Variants in SCOC observed in about 807,000 individuals in gnomAD.
SCOC encodes short coiled-coil protein.
In SCOC, 7 loss-of-function variants were observed where a neutral mutation model predicts 9.9. That is an observed-to-expected ratio of 0.71 (90% confidence interval 0.40 to 1.33). SCOC has a LOEUF of 1.33. Among genes scored for constraint, SCOC ranks in the 40% most tolerant of loss-of-function variants. The pLI is 0.01. For synonymous variants in SCOC, 19 were observed against 28.2 expected, an observed-to-expected ratio of 0.67 and a Z score of 1.03; for missense variants, 66 against 89.7, an observed-to-expected ratio of 0.74 and a Z score of 1.07.
chr4:140,309,638 C>T (rs1404721810), intron 1 of SCOC, among the ~76,000 whole-genome samples: 1 of 152,180 alleles, frequency 6.6e-6, no homozygotes, highest in Admixed American at 6.5e-5. Context: ...GGCTTCTTTG[C>T]CATTCCTTAA....
intron 1 of SCOC, among the ~76,000 whole-genome samples, chr4:140,319,789 T>A (rs780960311): frequency 6.6e-5 from 10 of 151,564 alleles, no homozygotes; most frequent in Non-Finnish European, 1.0e-4. Context: ...AATTAACAAC[T>A]TTTTTGAACC....
At chr4:140,277,845 T>C (rs749069333) in intron 1 of SCOC, among the ~76,000 whole-genome samples, 7 of 152,186 alleles carry the variant, frequency 4.6e-5, no homozygotes, top group Non-Finnish European at 8.8e-5. Context: ...ATGTAACTTA[T>C]AGGATTAGAG....
At chr4:140,262,962 C>G (rs1027560249) in intron 1 of SCOC, among the ~76,000 whole-genome samples, 1 of 152,064 alleles carries the variant, frequency 6.6e-6, no homozygotes, top group Admixed American at 6.6e-5. Flanking sequence ...TCCTGCCAGG[C>G]CCCCCCTCCA....
chr4:140,379,231 TG>T, intron 2 of SCOC, 39 bp downstream of exon 2: 4 of 1,345,136 alleles, frequency 3.0e-6, no homozygotes, highest in Middle Eastern at 1.8e-4. Flanking sequence ...CTCCTGGTTT[TG>T]TGGATGCTTT....
intron 1 of SCOC, among the ~76,000 whole-genome samples, chr4:140,334,424 T>C (rs895544566): frequency 3.3e-5 from 5 of 152,208 alleles, no homozygotes; most frequent in Admixed American, 6.5e-5. Flanking sequence ...TATTAAAGTA[T>C]ATTTACTGAA....
At chr4:140,258,089 AC>A (rs1730550303) in intron 1 of SCOC, among the ~76,000 whole-genome samples, 1 of 152,176 alleles carries the variant, frequency 6.6e-6, no homozygotes, top group Admixed American at 6.5e-5. Flanking sequence ...CCACACCTGC[AC>A]AGCATAGTGG....
intron 2 of SCOC, among the ~76,000 whole-genome samples, chr4:140,357,281 C>A (rs1263415057): frequency 6.6e-6 from 1 of 152,078 alleles, no homozygotes; most frequent in Non-Finnish European, 1.5e-5. Flanking sequence ...GCCTTAAAAT[C>A]TTTTATATAT....
rs1316298568 is a variant in SCOC, at chr4:140,381,245, CAAT to C, written c.*144_*146del. 9 of 743,326 alleles carry C rather than the reference CAAT, an allele frequency of 1.2e-5. No individual in the cohort carries two copies. In the African/African-American group the frequency reaches 1.7e-4, roughly 14 times the overall value. 46.0% of individuals were successfully genotyped at this position (743,326 alleles called of 1,614,324 possible). On this transcript the variant is annotated 3_prime_UTR_variant, in exon 4 of 4. Transcript: ENST00000608372. ...ATGTCAGATGTAGACAAAAATAACA[CAAT>C]AACAGGAGACTTCCATAAGTTTGTG...
intron 1 of SCOC, among the ~76,000 whole-genome samples, chr4:140,324,830 A>T (rs1204228509): frequency 6.6e-6 from 1 of 152,110 alleles, no homozygotes; most frequent in Non-Finnish European, 1.5e-5. Context: ...TGACAAGCTA[A>T]TTTTTAAACT....
At chr4:140,370,784 T>G (rs913635415), upstream of SCOC, among the ~76,000 whole-genome samples, 12 of 152,226 alleles carry the variant, frequency 7.9e-5, no homozygotes, top group Non-Finnish European at 1.8e-4. Context: ...GGTAAACATT[T>G]TTTAAAAACC....
intron 2 of SCOC, among the ~76,000 whole-genome samples, chr4:140,368,575 A>T (rs1208828311): frequency 6.6e-6 from 1 of 152,236 alleles, no homozygotes; most frequent in Admixed American, 6.5e-5. Flanking sequence ...CATACCTGGA[A>T]GAAAAGAACA....
At chr4:140,380,200 T>C (rs1821089) in intron 3 of SCOC, among the ~76,000 whole-genome samples, 9,933 of 139,410 alleles carry the variant, frequency 0.071, 307 homozygotes, top group Middle Eastern at 0.15. Flanking sequence ...TTTTCTTTTT[T>C]TTTTTTTTTT....
chr4:140,376,063 C>T (rs1728331548), intron 1 of SCOC, among the ~76,000 whole-genome samples: 1 of 152,066 alleles, frequency 6.6e-6, no homozygotes, highest in African/African-American at 2.4e-5. Flanking sequence ...GTTATAGCAA[C>T]TATAGGTAAA....
At chr4:140,320,587 GT>G (rs1732472769) in intron 1 of SCOC, among the ~76,000 whole-genome samples, 1 of 152,092 alleles carries the variant, frequency 6.6e-6, no homozygotes, top group South Asian at 2.1e-4. Flanking sequence ...CTGTCTTACA[GT>G]TTTTCCCTCC....
intron 1 of SCOC, among the ~76,000 whole-genome samples, chr4:140,378,626 TTGAG>T (rs72456761): frequency 0.013 from 1,963 of 152,236 alleles, 40 homozygotes; most frequent in African/African-American, 0.043. Context: ...TTACCAGACT[TTGAG>T]TGGGCAGTTA....
chr4:140,374,140 G>C (rs1728216871), intron 1 of SCOC: 1 of 463,576 alleles, frequency 2.2e-6, no homozygotes. Flanking sequence ...GAGATGGGAG[G>C]GGAGGCTGAG....
At chr4:140,294,261 A>C (rs1246322790) in intron 1 of SCOC, among the ~76,000 whole-genome samples, 2 of 152,222 alleles carry the variant, frequency 1.3e-5, no homozygotes, top group Admixed American at 1.3e-4. Flanking sequence ...TGGAAGCAGA[A>C]TAAGGTAGTG....
intron 1 of SCOC, among the ~76,000 whole-genome samples, chr4:140,287,613 T>C (rs775986764): frequency 1.3e-5 from 2 of 150,840 alleles, no homozygotes; most frequent in Non-Finnish European, 3.0e-5. Context: ...GTACACACAC[T>C]ACACACATGC....
intron 2 of SCOC, among the ~76,000 whole-genome samples, chr4:140,353,870 C>T (rs544079267): frequency 1.3e-5 from 2 of 152,334 alleles, no homozygotes; most frequent in African/African-American, 4.8e-5. Flanking sequence ...CTCTTTTCAG[C>T]CCTTACTCAC....
Sources: gnomAD v4.1 joint callset for allele counts (sites outside exome capture counted in the v4.1 genomes callset) on GRCh38, gnomAD v4.1.1 for gene constraint, MANE v1.5 for transcripts, NCBI Gene and HGNC (gene_info 2026-07-23, HGNC 2026-07-21) for gene names.